SLC4A10: variants seen among roughly 807,000 people sequenced by gnomAD.
SLC4A10 encodes sodium-driven chloride bicarbonate exchanger.
Under a neutral mutation model 137.7 loss-of-function variants are expected in SLC4A10, and 42 were observed. The observed-to-expected ratio is 0.30, with a 90% confidence interval of 0.24 to 0.39. The LOEUF is 0.39. SLC4A10 is among the 10% of genes least tolerant of loss of function. SLC4A10 has a pLI of 1.00. For missense variants in SLC4A10, 925 were observed against 1,355.0 expected, an observed-to-expected ratio of 0.68 and a Z score of 4.98; for synonymous variants, 474 against 464.1, an observed-to-expected ratio of 1.02 and a Z score of -0.27.
At chr2:161,754,781 A>T (rs947272213) in intron 1 of SLC4A10, among the ~76,000 whole-genome samples, 10 of 152,202 alleles carry the variant, frequency 6.6e-5, no homozygotes, top group Non-Finnish European at 1.2e-4. Flanking sequence ...TCTTATATAT[A>T]CTTTCATGCA....
chr2:161,921,877 G>A (rs956380136), intron 15 of SLC4A10, among the ~76,000 whole-genome samples: 1 of 152,108 alleles, frequency 6.6e-6, no homozygotes, highest in Non-Finnish European at 1.5e-5. Flanking sequence ...TAGGGACTAC[G>A]ATATATGTCT....
intron 26 of SLC4A10, among the ~76,000 whole-genome samples, chr2:161,981,638 C>T (rs1164427832): frequency 3.9e-5 from 6 of 152,172 alleles, no homozygotes; most frequent in Admixed American, 6.5e-5. Flanking sequence ...GGAGAGCATA[C>T]ACTTGTCATA....
chr2:161,841,488 G>T (rs557453837), intron 4 of SLC4A10, among the ~76,000 whole-genome samples: 1 of 152,156 alleles, frequency 6.6e-6, no homozygotes. Context: ...GATTGCAATT[G>T]CTGTCTGAAA....
At chr2:161,652,941 T>C (rs1244446504) in intron 1 of SLC4A10, among the ~76,000 whole-genome samples, 3 of 152,122 alleles carry the variant, frequency 2.0e-5, no homozygotes, top group African/African-American at 7.2e-5. Context: ...CATGGTGGTT[T>C]GCTGCATCCA....
At chr2:161,725,564 G>C (rs1216322829) in intron 1 of SLC4A10, among the ~76,000 whole-genome samples, 1 of 152,124 alleles carries the variant, frequency 6.6e-6, no homozygotes, top group Admixed American at 6.5e-5. Context: ...TTCAGTTCTA[G>C]TTCTAGCTCT....
chr2:161,923,341 T>G (rs904801239), intron 15 of SLC4A10, among the ~76,000 whole-genome samples: 2 of 152,196 alleles, frequency 1.3e-5, no homozygotes, highest in African/African-American at 4.8e-5. Context: ...TGTAGAGAAG[T>G]GCAGATACAA....
intron 4 of SLC4A10, among the ~76,000 whole-genome samples, chr2:161,854,340 T>A (rs2059984849): frequency 6.6e-6 from 1 of 152,184 alleles, no homozygotes; most frequent in African/African-American, 2.4e-5. Flanking sequence ...GTCCCCCATT[T>A]GACATCATGA....
chr2:161,912,970 T>A (rs1426578168), intron 15 of SLC4A10, among the ~76,000 whole-genome samples: 2 of 152,158 alleles, frequency 1.3e-5, no homozygotes, highest in Admixed American at 1.3e-4. Context: ...AGAATCCTGC[T>A]TATGGAATAC....
intron 10 of SLC4A10, among the ~76,000 whole-genome samples, chr2:161,889,109 C>T (rs2062635199): frequency 1.3e-5 from 2 of 152,094 alleles, no homozygotes; most frequent in Non-Finnish European, 2.9e-5. Context: ...TAAGTTGAAC[C>T]AGCCTTGCAT....
chr2:161,741,682 A>AT (rs1230143583), intron 1 of SLC4A10, among the ~76,000 whole-genome samples: 2 of 152,004 alleles, frequency 1.3e-5, no homozygotes, highest in African/African-American at 4.8e-5. Flanking sequence ...TTTATTTTTA[A>AT]TTTTTATGGG....
intron 23 of SLC4A10, among the ~76,000 whole-genome samples, chr2:161,971,446 T>C (rs189730366): frequency 2.0e-5 from 3 of 152,336 alleles, no homozygotes; most frequent in African/African-American, 7.2e-5. Flanking sequence ...TCATCATCCC[T>C]GTAACATCTT....
At chr2:161,813,758 C>T (rs1360614534) in intron 3 of SLC4A10, among the ~76,000 whole-genome samples, 1 of 152,012 alleles carries the variant, frequency 6.6e-6, no homozygotes, top group Admixed American at 6.6e-5. Context: ...CTGTATTTAT[C>T]ATTTGTTTGT....
chr2:161,642,129 A>G (rs1171628392), intron 1 of SLC4A10, among the ~76,000 whole-genome samples: 2 of 151,990 alleles, frequency 1.3e-5, no homozygotes, highest in Non-Finnish European at 2.9e-5. Flanking sequence ...AGATGGTAGC[A>G]TGGCCTGGTA....
intron 15 of SLC4A10, among the ~76,000 whole-genome samples, chr2:161,910,174 T>A (rs1022764387): frequency 2.6e-5 from 4 of 152,164 alleles, no homozygotes; most frequent in Non-Finnish European, 5.9e-5. Context: ...TACAATCAGA[T>A]TTCCTTAAAT....
Position 161,711,460 on chromosome 2 carries a change from AAGCGGATC to A in SLC4A10, c.49-59510_49-59503del, listed in dbSNP as rs545358814. The stretch of plus-strand genomic sequence containing the variant: ...ATAGGATTTACCTCAGGTTCTGAGA[AAGCGGATC>A]AGGACCAACTAATTATGGAAGTGGA... On this transcript the variant is annotated intron_variant, in intron 1 of 26. Transcript: ENST00000446997. Among the ~76,000 whole-genome samples the A allele has an allele frequency of 1.4e-4, 21 of 151,946 alleles. No individual in the cohort carries two copies. In the East Asian group the frequency reaches 3.7e-3, roughly 27 times the overall value.
intron 5 of SLC4A10, among the ~76,000 whole-genome samples, chr2:161,859,454 C>T (rs1487302610): frequency 6.6e-6 from 1 of 151,548 alleles, no homozygotes; most frequent in South Asian, 2.1e-4. Context: ...ACATGCCCAG[C>T]TAATTTTTTT....
intron 12 of SLC4A10, among the ~76,000 whole-genome samples, chr2:161,901,508 C>T (rs1683104740): frequency 6.6e-6 from 1 of 152,088 alleles, no homozygotes; most frequent in Admixed American, 6.6e-5. Context: ...CAATTTATTT[C>T]TTAAAATGGT....
At chr2:161,673,366 G>A (rs2039942245) in intron 1 of SLC4A10, among the ~76,000 whole-genome samples, 1 of 152,184 alleles carries the variant, frequency 6.6e-6, no homozygotes, top group Non-Finnish European at 1.5e-5. Flanking sequence ...GGAAATATCT[G>A]AGTGAAATTG....
intron 10 of SLC4A10, among the ~76,000 whole-genome samples, chr2:161,882,658 T>C (rs967031438): frequency 2.0e-5 from 3 of 152,070 alleles, no homozygotes; most frequent in Non-Finnish European, 2.9e-5. Flanking sequence ...AACTTCATAG[T>C]GTAAAGAAAT....
Sources: allele counts gnomAD v4.1 joint callset (sites outside exome capture counted in the v4.1 genomes callset), GRCh38; gene constraint gnomAD v4.1.1; transcripts MANE v1.5; gene names NCBI Gene and HGNC (gene_info 2026-07-23, HGNC 2026-07-21).